DYNC2H1: variants seen among roughly 807,000 people sequenced by gnomAD.
DYNC2H1 encodes the protein cytoplasmic dynein 2 heavy chain 1.
In DYNC2H1, 410 loss-of-function variants were observed where a neutral mutation model predicts 570.0. That is an observed-to-expected ratio of 0.72 (90% CI 0.66 to 0.78). The LOEUF (loss-of-function observed/expected upper bound fraction) is 0.78. Among genes scored for constraint, DYNC2H1 ranks in the 30% least tolerant of loss-of-function variants. DYNC2H1 has a pLI of 0.00. For missense variants in DYNC2H1, 4,865 were observed against 5,046.4 expected (o/e 0.96, Z 1.09); for synonymous variants, 1,688 against 1,677.6 (o/e 1.01, Z -0.15).
intron 82 of DYNC2H1, among the ~76,000 whole-genome samples, chr11:103,340,956 T>G (rs1385312193): frequency 1.3e-5 from 2 of 151,962 alleles, no homozygotes; most frequent in Non-Finnish European, 2.9e-5. Context: ...GGTTAGAGAT[T>G]TAAAACTCCA....
At chr11:103,402,717 A>G (rs548480484) in intron 84 of DYNC2H1, 1 of 152,148 alleles carries the variant, frequency 6.6e-6, no homozygotes, top group Admixed American at 6.6e-5. Context: ...GAAGACTAAT[A>G]GTTGATAGTA....
intron 70 of DYNC2H1, among the ~76,000 whole-genome samples, chr11:103,267,089 C>T (rs1298966519): frequency 6.6e-6 from 1 of 152,092 alleles, no homozygotes; most frequent in Non-Finnish European, 1.5e-5. Context: ...CTGTGGTGGT[C>T]AAGGGATCTT....
At position 103,201,373 on chromosome 11, in the gene DYNC2H1, G is replaced by C. The variant is rs1407447929; in HGVS notation, c.8197+1219G>C. ...GTTTGAAAATCATTACTTGCATTTT[G>C]CCTCTGAGATAAGTTCGAGTCTTGT... On this transcript the variant is annotated intron_variant, in intron 50 of 88. Transcript: ENST00000375735. The surrounding 1 kb of genome is among the most constrained non-coding windows in gnomAD (Gnocchi z 4.8). Among the ~76,000 whole-genome samples the C allele has an allele frequency of 6.6e-6, 1 of 151,918 alleles. No individual in the cohort carries two copies. The highest frequency in any genetic ancestry group is 1.5e-5 in the Non-Finnish European group (1 of 67,996).
rs1199516337 is a variant in DYNC2H1 at position 103,215,842 on chromosome 11, T to C, written c.8816T>C (p.Ile2939Thr). The C allele has an allele frequency of 6.2e-7, 1 of 1,612,788 alleles. No individual in the cohort carries two copies. Among genetic ancestry groups the C allele is most frequent in the Non-Finnish European group, 8.5e-7 (1 of 1,179,332 alleles). The change falls in exon 55 of 89, where the codon ATC becomes ACC. Residue 2939 changes from isoleucine (I) to threonine (T), a missense_variant. By Grantham distance (89) the Ile-to-Thr change is moderately conservative (BLOSUM62 -1). Coordinates refer to ENST00000375735, the MANE Select transcript of DYNC2H1 (RefSeq NM_001377.3). ...GAAGCAGATGCTGCCCTTCAAATGA[T>C]CACAGTGTCAATGCAGGTAATGTTT... Reference protein sequence around the residue: ...QDEADAALQMITVSMQDASEQ... With the variant: ...QDEADAALQMTTVSMQDASEQ...
rs1390438800 is a variant in DYNC2H1 at position 103,320,758 on chromosome 11, A to G, written c.11726-271A>G. On this transcript the variant is annotated intron_variant, in intron 80 of 88. Coordinates refer to ENST00000375735, the MANE Select transcript of DYNC2H1 (RefSeq NM_001377.3). ...CTCATTTTGGTGCCTCAGCCTCCCT[A>G]TCCCTTAGGAAGGTTTCTCCATATG... is the stretch of plus-strand genomic sequence containing the variant. Among the ~76,000 whole-genome samples the G allele has an allele frequency of 3.3e-5, 5 of 152,236 alleles. No homozygotes were observed. The East Asian group carries it at 7.7e-4, about 23-fold the overall frequency.
chr11:103,225,960 T>G (rs1293724838), intron 59 of DYNC2H1, among the ~76,000 whole-genome samples: 2 of 151,732 alleles, frequency 1.3e-5, no homozygotes, highest in Admixed American at 1.3e-4. Context: ...TAAGTATTTT[T>G]TTTTTTTACA....
intron 83 of DYNC2H1, among the ~76,000 whole-genome samples, chr11:103,384,825 T>G (rs72981498): frequency 0.053 from 8,033 of 152,258 alleles, 258 homozygotes; most frequent in Non-Finnish European, 0.076. Context: ...TATTTCTTCC[T>G]GTATCTCAGA....
In DYNC2H1 at chr11:103,189,814, C is replaced by T. The variant is rs200989423; in HGVS notation, c.7435C>T (p.Gln2479Ter). Residue 2479 changes from glutamine (Q) to a stop codon, truncating the protein, a stop_gained and splice_region_variant, in exon 45 of 89, where the codon CAG (glutamine) becomes TAG (stop). Coordinates refer to ENST00000375735, the MANE Select transcript of DYNC2H1 (RefSeq NM_001377.3). LOFTEE classifies it high-confidence loss of function. The surrounding 1 kb of genome is among the most constrained non-coding windows in gnomAD (Gnocchi z 4.3). ...LAGSMVQVYE[Q>*]VRAKFTVDDY... Reference sequence around the variant, plus strand: ...AGGATCTATGGTACAAGTGTATGAACAGGTAGATATGCATCTAAATTGTAG... The same window carrying T: ...AGGATCTATGGTACAAGTGTATGAATAGGTAGATATGCATCTAAATTGTAG... 26 of 1,602,210 alleles carry T rather than the reference C, an allele frequency of 1.6e-5. No homozygotes were observed. The highest frequency in any genetic ancestry group is 2.1e-5 in the Non-Finnish European group (25 of 1,176,162).
chr11:103,230,531 C>T (rs1313801486), intron 59 of DYNC2H1, among the ~76,000 whole-genome samples: 1 of 152,140 alleles, frequency 6.6e-6, no homozygotes, highest in East Asian at 1.9e-4. Flanking sequence ...TAGCGGTAGT[C>T]AGCTCTCAAT....
At chr11:103,281,042 A>G (rs879021157) in intron 71 of DYNC2H1, among the ~76,000 whole-genome samples, 7 of 152,194 alleles carry the variant, frequency 4.6e-5, no homozygotes, top group Admixed American at 4.6e-4. Flanking sequence ...TGATGCTGTT[A>G]TCATAAAGTG....
At chr11:103,182,333 G>GAT (rs1861888609) in intron 40 of DYNC2H1, among the ~76,000 whole-genome samples, 1 of 150,606 alleles carries the variant, frequency 6.6e-6, no homozygotes, top group South Asian at 2.1e-4. Context: ...ACATATATAT[G>GAT]ATATATATAA....
At chr11:103,442,969 C>CTT (rs5794237) in intron 85 of DYNC2H1, among the ~76,000 whole-genome samples, 17,544 of 142,982 alleles carry the variant, frequency 0.12, 1,264 homozygotes, top group East Asian at 0.25. Context: ...TTTATGAGCC[C>CTT]TTTTTTTTTT....
intron 26 of DYNC2H1, 45 bp downstream of exon 26, chr11:103,156,815 T>G: frequency 1.3e-6 from 2 of 1,570,268 alleles, no homozygotes; most frequent in Non-Finnish European, 1.7e-6. Flanking sequence ...GTATTTTTTT[T>G]AAATTAATTC....
intron 83 of DYNC2H1, among the ~76,000 whole-genome samples, chr11:103,388,283 C>T (rs1191308888): frequency 6.6e-6 from 1 of 152,082 alleles, no homozygotes; most frequent in Non-Finnish European, 1.5e-5. Flanking sequence ...TGGGAGTTCA[C>T]TCATGATTTG....
rs1944418495 is a variant in DYNC2H1 at position 103,446,119 on chromosome 11, G to A, written c.12457-9067G>A. ...AAATTAAAAGTTCTAATTTGAACATGATAAGTTTAGATGTCTTTTAGACAT... is the reference window on the plus strand; with the variant it reads ...AAATTAAAAGTTCTAATTTGAACATAATAAGTTTAGATGTCTTTTAGACAT... On this transcript the variant is annotated intron_variant, in intron 85 of 88. Coordinates refer to ENST00000375735, the MANE Select transcript of DYNC2H1 (RefSeq NM_001377.3). This position sits in a 1 kb window ranked among gnomAD's most constrained non-coding sequence, Gnocchi z 4.5. Among the ~76,000 whole-genome samples the A allele has an allele frequency of 4.6e-5, 7 of 152,034 alleles. No individual in the cohort carries two copies. The South Asian group carries it at 1.5e-3, about 32-fold the overall frequency.
At position 103,153,380 on chromosome 11, in the gene DYNC2H1, G is replaced by A; in HGVS notation, c.3174G>A (p.Trp1058Ter). 1 of 1,551,454 alleles carries A rather than the reference G, an allele frequency of 6.4e-7. No homozygotes were observed. The highest frequency in any genetic ancestry group is 8.7e-7 in the Non-Finnish European group (1 of 1,147,354). The stretch of plus-strand genomic sequence containing the variant: ...AACTGGAAAAATTTAAAGCTCGTTG[G>A]GACCAACTAAAGCCTGGTGATGATG... ...YQELEKFKAR[W>*]DQLKPGDDVI... is the part of the protein sequence containing the mutation. The change falls in exon 22 of 89, where the codon TGG becomes TGA. Residue 1058 changes from tryptophan (W) to a stop codon, truncating the protein, a stop_gained. Coordinates refer to ENST00000375735, the MANE Select transcript of DYNC2H1 (RefSeq NM_001377.3). LOFTEE classifies it high-confidence loss of function.
In DYNC2H1 at chr11:103,243,692, G is replaced by T; in HGVS notation, c.9820-1G>T. ...ATTACTTTTCCTTTTTTTTATACTA[G>T]AGTCGAGTGTGCCCATTTCTTATAG... is the stretch of plus-strand genomic sequence containing the variant. On this transcript the variant is annotated splice_acceptor_variant, in intron 63 of 88. Transcript: ENST00000375735. LOFTEE classifies it high-confidence loss of function. This position sits in a 1 kb window ranked among gnomAD's most constrained non-coding sequence, Gnocchi z 4.8. The T allele has an allele frequency of 6.3e-7, 1 of 1,591,998 alleles. No homozygotes were observed. Among genetic ancestry groups the T allele is most frequent in the Admixed American group, 1.7e-5 (1 of 58,052 alleles).
In DYNC2H1 at chr11:103,326,359, T is replaced by A. The variant is rs1938478567; in HGVS notation, c.12039+2369T>A. Among the ~76,000 whole-genome samples, 1 of 152,152 alleles carries A rather than the reference T, an allele frequency of 6.6e-6. No homozygotes were observed. The highest frequency in any genetic ancestry group is 6.5e-5 in the Admixed American group (1 of 15,276). ...ATGTGTTCGGGGTGGTTGGGCTCCC[T>A]CTGACAGGCTGCATCCGGGAGATAG... is the stretch of plus-strand genomic sequence containing the variant. On this transcript the variant is annotated intron_variant, in intron 82 of 88. Transcript: ENST00000375735. This position sits in a 1 kb window ranked among gnomAD's most constrained non-coding sequence, Gnocchi z 6.1.
At chr11:103,273,081 A>G (rs923959886) in intron 70 of DYNC2H1, among the ~76,000 whole-genome samples, 1 of 151,922 alleles carries the variant, frequency 6.6e-6, no homozygotes, top group Admixed American at 6.6e-5. Flanking sequence ...TTTTTAAAAA[A>G]AAAACTATTC....
Sources: allele counts gnomAD v4.1 joint callset (sites outside exome capture counted in the v4.1 genomes callset), GRCh38; gene constraint gnomAD v4.1.1; non-coding constraint Gnocchi (gnomAD v3.1); transcripts MANE v1.5; gene names NCBI Gene and HGNC (gene_info 2026-07-23, HGNC 2026-07-21).